The following KLF12 variants were observed in gnomAD, a reference collection of about 807,000 sequenced individuals.
The protein encoded by KLF12 is Krueppel-like factor 12.
KLF12 carries 9 observed loss-of-function variants against 37.8 expected under a neutral mutation model. The ratio of observed to expected loss-of-function variants is 0.24; its 90% CI spans 0.14 to 0.42. The LOEUF is 0.42. Among genes scored for constraint, KLF12 ranks in the 10% least tolerant of loss-of-function variants. The pLI is 1.00. For synonymous variants in KLF12, 208 were observed against 202.1 expected (o/e 1.03, Z -0.25); for missense variants, 411 against 516.0 (o/e 0.80, Z 1.97).
chr13:74,221,428 T>C, the KLF12 span, among the ~76,000 whole-genome samples: 1 of 152,214 alleles, frequency 6.6e-6, no homozygotes, highest in Non-Finnish European at 1.5e-5. Context: ...TCACCTCTTT[T>C]TGGGTCACTT....
the KLF12 span, among the ~76,000 whole-genome samples, chr13:74,211,083 A>T: frequency 6.6e-6 from 1 of 152,072 alleles, no homozygotes; most frequent in Non-Finnish European, 1.5e-5. Context: ...CACCCACATT[A>T]TTATTGCCTT....
intron 3 of KLF12, among the ~76,000 whole-genome samples, chr13:73,889,854 T>C (rs1887418018): frequency 2.6e-5 from 4 of 152,094 alleles, no homozygotes; most frequent in Admixed American, 2.6e-4. Flanking sequence ...ATAACCATGC[T>C]TTTCCAAACA....
intron 1 of KLF12, among the ~76,000 whole-genome samples, chr13:74,069,216 T>C (rs1485920670): frequency 1.3e-5 from 2 of 152,068 alleles, no homozygotes; most frequent in East Asian, 1.9e-4. Flanking sequence ...ATGAAAAATA[T>C]AGTACTAGAG....
the KLF12 span, among the ~76,000 whole-genome samples, chr13:74,180,626 G>A: frequency 2.0e-5 from 3 of 152,292 alleles, no homozygotes; most frequent in Non-Finnish European, 2.9e-5. Context: ...GATGGATAGA[G>A]GCAAATCTTT....
the KLF12 span, among the ~76,000 whole-genome samples, chr13:74,300,275 C>T: frequency 3.8e-4 from 58 of 152,176 alleles, no homozygotes; most frequent in Non-Finnish European, 5.4e-4. Flanking sequence ...CTTCCTGACT[C>T]ATACATCTAT....
At chr13:73,711,190 T>C (rs140761489) in intron 7 of KLF12, among the ~76,000 whole-genome samples, 53 of 152,292 alleles carry the variant, frequency 3.5e-4, no homozygotes, top group African/African-American at 1.1e-3. Flanking sequence ...ACAGAAGCTG[T>C]CTCCATAACA....
rs1873566814 is a variant in KLF12, at chr13:73,687,564, T to C, written c.*7926A>G. ...ACAAGTAGGGCAAAAGCACTTTTTATGATTTTTTTTTTTGCCATATCTTTG... is the reference window on the plus strand; with the variant it reads ...ACAAGTAGGGCAAAAGCACTTTTTACGATTTTTTTTTTTGCCATATCTTTG... On this transcript the variant is annotated 3_prime_UTR_variant, in exon 8 of 8. Coordinates refer to ENST00000377669, the MANE Select transcript of KLF12 (RefSeq NM_007249.5). 6.6e-6 allele frequency: 1 copy of C among 151,936 alleles called. No individual in the cohort carries two copies. The highest frequency in any genetic ancestry group is 6.5e-5 in the Admixed American group (1 of 15,272). 9.4% of individuals were successfully genotyped at this position (151,936 alleles called of 1,614,324 possible).
At chr13:74,020,501 G>T (rs1038835464) in intron 1 of KLF12, among the ~76,000 whole-genome samples, 2 of 152,058 alleles carry the variant, frequency 1.3e-5, no homozygotes, top group African/African-American at 2.4e-5. Flanking sequence ...GCCAGGATCA[G>T]GAAAAATGAA....
At chr13:74,071,137 A>G (rs1392402388) in intron 1 of KLF12, among the ~76,000 whole-genome samples, 1 of 152,212 alleles carries the variant, frequency 6.6e-6, no homozygotes, top group Non-Finnish European at 1.5e-5. Flanking sequence ...ATGAGAATGG[A>G]GAGTACTATA....
At chr13:74,303,981 G>T in the KLF12 span, among the ~76,000 whole-genome samples, 2 of 152,016 alleles carry the variant, frequency 1.3e-5, no homozygotes, top group Non-Finnish European at 2.9e-5. Flanking sequence ...GAATCAAAGA[G>T]GTTTCCTAGG....
intron 3 of KLF12, among the ~76,000 whole-genome samples, chr13:73,920,746 T>C (rs1271233716): frequency 6.6e-6 from 1 of 151,764 alleles, no homozygotes; most frequent in Admixed American, 6.6e-5. Flanking sequence ...CCCTCAAGAG[T>C]CATCTCTCTC....
the KLF12 span, among the ~76,000 whole-genome samples, chr13:74,234,891 T>C: frequency 6.6e-6 from 1 of 152,240 alleles, no homozygotes; most frequent in Non-Finnish European, 1.5e-5. Flanking sequence ...ACATTTACTG[T>C]ATGTAATGAT....
chr13:73,775,288 G>A (rs1433277839), intron 5 of KLF12, among the ~76,000 whole-genome samples: 1 of 152,018 alleles, frequency 6.6e-6, no homozygotes, highest in Non-Finnish European at 1.5e-5. Context: ...CATGAACTGA[G>A]TACAGAATTA....
chr13:73,757,379 G>A (rs9530235), intron 6 of KLF12, among the ~76,000 whole-genome samples: 148,371 of 152,280 alleles, frequency 0.97, 72,392 homozygotes, highest in East Asian at 1. Flanking sequence ...TTAAAGAAAT[G>A]TATTATTAGG....
chr13:73,936,159 T>G (rs913311754), intron 3 of KLF12, among the ~76,000 whole-genome samples: 2 of 152,218 alleles, frequency 1.3e-5, no homozygotes, highest in African/African-American at 2.4e-5. Context: ...TTTGTACATC[T>G]GGTAATTTTG....
chr13:74,134,627 C>G (rs1186538752), upstream of KLF12, among the ~76,000 whole-genome samples: 1 of 150,774 alleles, frequency 6.6e-6, no homozygotes, highest in African/African-American at 2.4e-5. Context: ...CCCCAAATAA[C>G]CCACACATGG....
intron 5 of KLF12, among the ~76,000 whole-genome samples, chr13:73,789,182 G>C (rs948260835): frequency 6.6e-6 from 1 of 152,216 alleles, no homozygotes; most frequent in East Asian, 1.9e-4. Flanking sequence ...AAATACTTTC[G>C]ATTGTTGGTC....
intron 6 of KLF12, among the ~76,000 whole-genome samples, chr13:73,750,840 G>C (rs1878701348): frequency 6.6e-6 from 1 of 152,112 alleles, no homozygotes; most frequent in African/African-American, 2.4e-5. Context: ...AAGCTGTTTT[G>C]GGAAATGTAA....
In KLF12 at chr13:73,899,951, G is replaced by A. The variant is rs185034672; in HGVS notation, c.123+44030C>T. Among the ~76,000 whole-genome samples the A allele has an allele frequency of 1.5e-3, 223 of 152,220 alleles. 6 individuals carry two copies. In the East Asian group the frequency reaches 0.033, roughly 23 times the overall value. ...CCTAATAAAGTCTCCTCTCATATATGTTGTATCCTATCGGTTTTGATTCTT... is the reference window on the plus strand; with the variant it reads ...CCTAATAAAGTCTCCTCTCATATATATTGTATCCTATCGGTTTTGATTCTT... On this transcript the variant is annotated intron_variant, in intron 3 of 7. Transcript: ENST00000377669.
Sources: gnomAD v4.1 joint callset for allele counts (sites outside exome capture counted in the v4.1 genomes callset) on GRCh38, gnomAD v4.1.1 for gene constraint, MANE v1.5 for transcripts, NCBI Gene and HGNC (gene_info 2026-07-23, HGNC 2026-07-21) for gene names.